ABCA3: variants seen among roughly 807,000 people sequenced by gnomAD.
ABCA3 encodes the protein phospholipid-transporting ATPase ABCA3.
Under a neutral mutation model 172.8 loss-of-function variants are expected in ABCA3, and 88 were observed. The ratio of observed to expected loss-of-function variants is 0.51; its 90% confidence interval spans 0.43 to 0.61. The LOEUF is 0.61. Ranked by LOEUF, ABCA3 falls within the 20% of genes least tolerant of loss-of-function variation. The pLI, the probability that ABCA3 is intolerant of heterozygous loss-of-function variation, is 0.00. For missense variants in ABCA3, 2,164 were observed against 2,301.0 expected (o/e 0.94, Z 1.22); for synonymous variants, 1,066 against 983.8 (o/e 1.08, Z -1.56).
chr16:2,325,878 G>A, intron 5 of ABCA3, 132 bp downstream of exon 5: 2 of 1,269,180 alleles, frequency 1.6e-6, no homozygotes, highest in Non-Finnish European at 2.2e-6. Context: ...GATGCGGGAA[G>A]AAGCAGAGGC....
Position 2,277,544 on chromosome 16 carries a change from G to A in ABCA3, c.4983+53C>T. On this transcript the variant is annotated intron_variant, in intron 32 of 32. Coordinates refer to ENST00000301732, the MANE Select transcript of ABCA3 (RefSeq NM_001089.3). The surrounding 1 kb of genome is among the most constrained non-coding windows in gnomAD (Gnocchi z 5.3). ...CACCACAGAGGGAGAGACCCCTGGA[G>A]GGACCTCCCCCTGCCCCATGAGTGC... is the stretch of plus-strand genomic sequence containing the variant. 1 of 1,589,928 alleles carries A rather than the reference G, an allele frequency of 6.3e-7. No homozygotes were observed. The highest frequency in any genetic ancestry group is 1.1e-5 in the South Asian group (1 of 89,748).
intron 8 of ABCA3, among the ~76,000 whole-genome samples, chr16:2,319,281 T>A (rs575758598): frequency 6.6e-6 from 1 of 151,968 alleles, no homozygotes; most frequent in East Asian, 1.9e-4. Flanking sequence ...GTCAGGAGAT[T>A]GAGACCATCC....
chr16:2,330,602 G>A (rs1459827592), intron 1 of ABCA3, among the ~76,000 whole-genome samples: 3 of 151,700 alleles, frequency 2.0e-5, no homozygotes, highest in Non-Finnish European at 4.4e-5. Context: ...TGACAGGTGT[G>A]AGCCACTGTA....
chr16:2,281,231 C>A lies in ABCA3; in HGVS notation c.4165-10G>T. The stretch of plus-strand genomic sequence containing the variant: ...CCCGCTGCTCGTACACCTGCAGGCA[C>A]CCAACAGAAAACACGGAATGCGGAG... On this transcript the variant is annotated splice_polypyrimidine_tract_variant and intron_variant, in intron 27 of 32. Coordinates refer to ENST00000301732, the MANE Select transcript of ABCA3 (RefSeq NM_001089.3). The surrounding 1 kb of genome is among the most constrained non-coding windows in gnomAD (Gnocchi z 4.7). 1 of 1,613,380 alleles carries A rather than the reference C, an allele frequency of 6.2e-7. No homozygotes were observed. The highest frequency in any genetic ancestry group is 1.3e-5 in the African/African-American group (1 of 75,044).
At chr16:2,291,534 G>A (rs1489875158) in intron 19 of ABCA3, among the ~76,000 whole-genome samples, 1 of 152,230 alleles carries the variant, frequency 6.6e-6, no homozygotes, top group Non-Finnish European at 1.5e-5. Context: ...CTAAGCCCAA[G>A]AAGAGCTGGG....
chr16:2,290,207 C>T (rs939654306), intron 19 of ABCA3, among the ~76,000 whole-genome samples: 2 of 152,188 alleles, frequency 1.3e-5, no homozygotes, highest in African/African-American at 4.8e-5. Context: ...TTCTCCCTCA[C>T]TGGATTCTCC....
chr16:2,328,992 C>T (rs2093738925), intron 2 of ABCA3, among the ~76,000 whole-genome samples: 1 of 140,956 alleles, frequency 7.1e-6, no homozygotes. Flanking sequence ...AATTAAAACT[C>T]TTGCTTTTTT....
intron 11 of ABCA3, among the ~76,000 whole-genome samples, chr16:2,307,857 A>G (rs572416859): frequency 4.9e-4 from 74 of 152,248 alleles, no homozygotes; most frequent in African/African-American, 1.8e-3. Flanking sequence ...CACCGGCCTC[A>G]GCCTCCCAAA....
intron 11 of ABCA3, among the ~76,000 whole-genome samples, chr16:2,308,216 C>T (rs2093700806): frequency 6.6e-6 from 1 of 152,248 alleles, no homozygotes; most frequent in South Asian, 2.1e-4. Flanking sequence ...CGGCCCACTG[C>T]CCTGTGGCTC....
chr16:2,335,139 T>C (rs954843475), intron 1 of ABCA3, among the ~76,000 whole-genome samples: 1 of 151,786 alleles, frequency 6.6e-6, no homozygotes, highest in African/African-American at 2.4e-5. Flanking sequence ...CTAAATATTA[T>C]TAATATATAA....
intron 11 of ABCA3, among the ~76,000 whole-genome samples, chr16:2,306,776 G>T (rs373915945): frequency 1.3e-5 from 2 of 152,162 alleles, no homozygotes; most frequent in Admixed American, 1.3e-4. Context: ...AGCACTTTGG[G>T]AGGCCGAGGC....
chr16:2,278,604 A>C lies in ABCA3; in HGVS notation c.4548-146T>G, dbSNP rs899685797. 1 of 1,181,124 alleles carries C rather than the reference A, an allele frequency of 8.5e-7. No homozygotes were observed. Among genetic ancestry groups the C allele is most frequent in the Non-Finnish European group, 1.2e-6 (1 of 835,008 alleles). The allele number at this position is 1,181,124 out of a possible 1,614,324, so 73.2% of individuals were successfully genotyped here. A position where few individuals can be genotyped will look rare whatever the true frequency, so the allele number is the denominator to read the frequency against. ...GTGAAGAGGAAGGAGCTGTGTGTGC[A>C]CCTGGAAAGCCCACCGCATAGGGCT... On this transcript the variant is annotated intron_variant, in intron 29 of 32. Transcript: ENST00000301732. The surrounding 1 kb of genome is among the most constrained non-coding windows in gnomAD (Gnocchi z 4.4).
chr16:2,310,423 CAAA>C (rs869079770), intron 10 of ABCA3, among the ~76,000 whole-genome samples: 1 of 144,932 alleles, frequency 6.9e-6, no homozygotes, highest in Non-Finnish European at 1.5e-5. Context: ...AACAAACAAA[CAAA>C]AAAACAAACA....
intron 3 of ABCA3, among the ~76,000 whole-genome samples, chr16:2,327,237 C>T (rs950082393): frequency 3.3e-5 from 5 of 152,090 alleles, no homozygotes; most frequent in African/African-American, 4.8e-5. Context: ...CTCAGCCTCC[C>T]GAGTAGGTGG....
In ABCA3 at chr16:2,319,765, G is replaced by A. The variant is rs148507388; in HGVS notation, c.689C>T (p.Ala230Val). ...RAIMEYHADA[A>V]TRQLFQRLTV... ...CAGTCTCTGGAACAGCTGGCGTGTG[G>A]CGGCATCGGCATGGTACTCCATGAT... Residue 230 changes from alanine to valine, a missense_variant, in exon 8 of 33, where the codon GCC becomes GTC. By Grantham distance (64) the Ala-to-Val change is moderately conservative. Transcript: ENST00000301732. The A allele has an allele frequency of 2.9e-5, 46 of 1,613,936 alleles. 1 individual carries two copies. The African/African-American group carries it at 3.2e-4, about 11-fold the overall frequency.
chr16:2,323,201 T>C (rs1245755800), intron 7 of ABCA3: 2 of 443,418 alleles, frequency 4.5e-6, no homozygotes, highest in Admixed American at 7.0e-5. Flanking sequence ...TTTTACACTG[T>C]TGGTGGGACT....
chr16:2,306,622 G>A (rs1474131297), intron 11 of ABCA3, among the ~76,000 whole-genome samples: 3 of 152,170 alleles, frequency 2.0e-5, no homozygotes, highest in South Asian at 2.1e-4. Context: ...GGCCTAACTG[G>A]AGGGGCTCAG....
At chr16:2,276,999 G>A (rs1233204504) in intron 32 of ABCA3, among the ~76,000 whole-genome samples, 194 bp from the exon 33 acceptor site, 1 of 152,180 alleles carries the variant, frequency 6.6e-6, no homozygotes, top group Non-Finnish European at 1.5e-5. Flanking sequence ...GGCTAAGCAG[G>A]AGCCAGCGGG....
At chr16:2,334,189 A>C (rs1387449887) in intron 1 of ABCA3, among the ~76,000 whole-genome samples, 1 of 152,080 alleles carries the variant, frequency 6.6e-6, no homozygotes, top group East Asian at 1.9e-4. Context: ...GCCGGTCTTG[A>C]ATGACTCATT....
Sources: gnomAD v4.1 joint callset for allele counts (sites outside exome capture counted in the v4.1 genomes callset) on GRCh38, gnomAD v4.1.1 for gene constraint, Gnocchi (gnomAD v3.1) non-coding constraint, MANE v1.5 for transcripts, NCBI Gene and HGNC (gene_info 2026-07-23, HGNC 2026-07-21) for gene names.